Variants in SLC38A9 observed in about 807,000 individuals in gnomAD.
SLC38A9 encodes solute carrier family 38 member 9.
SLC38A9 carries 48 observed loss-of-function variants against 62.3 expected under a neutral mutation model. The ratio of observed to expected loss-of-function variants is 0.77; its 90% confidence interval spans 0.61 to 0.98. The LOEUF (loss-of-function observed/expected upper bound fraction) is 0.98. Ranked by LOEUF, SLC38A9 falls within the 50% of genes least tolerant of loss-of-function variation. The pLI is 0.00. For missense variants in SLC38A9, 541 were observed against 679.8 expected, an observed-to-expected ratio of 0.80 and a Z score of 2.27; for synonymous variants, 204 against 227.7, an observed-to-expected ratio of 0.90 and a Z score of 0.94.
intron 3 of SLC38A9, chr5:55,693,066 A>G: frequency 1.1e-6 from 1 of 894,620 alleles, no homozygotes; most frequent in Non-Finnish European, 1.3e-6. Context: ...ATGAAGACCC[A>G]TTGTGACTCA....
intron 3 of SLC38A9, chr5:55,692,829 C>T (rs1048897713): frequency 6.1e-6 from 6 of 983,510 alleles, no homozygotes; most frequent in Non-Finnish European, 7.2e-6. Flanking sequence ...TTCAAGTCAG[C>T]ATTCATTAGT....
chr5:55,700,106 CG>C (rs35855817), intron 2 of SLC38A9, among the ~76,000 whole-genome samples: 90,923 of 151,606 alleles, frequency 0.6, 27,829 homozygotes, highest in South Asian at 0.7. Context: ...TTGCGGGGGT[CG>C]AGGTGGGCAG....
chr5:55,704,748 GATTTGGGCT>G (rs1040152040), intron 2 of SLC38A9, among the ~76,000 whole-genome samples: 1 of 152,206 alleles, frequency 6.6e-6, no homozygotes, highest in Non-Finnish European at 1.5e-5. Context: ...GGTAATTTGA[GATTTGGGCT>G]ATTCTGGTGC....
intron 3 of SLC38A9, chr5:55,675,234 G>C (rs986431324): frequency 5.2e-4 from 79 of 152,338 alleles, no homozygotes; most frequent in African/African-American, 1.9e-3. Flanking sequence ...TCTTACAGAA[G>C]TGTTAACTGT....
At chr5:55,657,486 CAA>C (rs1025874110) in intron 8 of SLC38A9, among the ~76,000 whole-genome samples, 1 of 114,128 alleles carries the variant, frequency 8.8e-6, no homozygotes, top group African/African-American at 3.0e-5. Flanking sequence ...CCTGGAAAAT[CAA>C]AGTTTTTTTT....
At chr5:55,661,012 T>C (rs753170795) in intron 8 of SLC38A9, among the ~76,000 whole-genome samples, 1 of 150,504 alleles carries the variant, frequency 6.6e-6, no homozygotes, top group Non-Finnish European at 1.5e-5. Context: ...GAACTACTGT[T>C]ACAGAAAAAA....
At chr5:55,649,178 A>G (rs376633522) in intron 11 of SLC38A9, 29 bp downstream of exon 11, 6 of 1,275,282 alleles carry the variant, frequency 4.7e-6, no homozygotes, top group Non-Finnish European at 6.6e-6. Context: ...TCACATTATT[A>G]TAATTTATTA....
At chr5:55,702,865 C>G (rs898834895) in intron 2 of SLC38A9, 1 of 152,008 alleles carries the variant, frequency 6.6e-6, no homozygotes, top group African/African-American at 2.4e-5. Context: ...AACGTTTAAG[C>G]AAGTCAAAGC....
chr5:55,666,998 G>A (rs1320867235), intron 7 of SLC38A9, among the ~76,000 whole-genome samples: 2 of 151,318 alleles, frequency 1.3e-5, no homozygotes, highest in Non-Finnish European at 2.9e-5. Flanking sequence ...CTGGGTGACA[G>A]AGTGAGACTC....
At chr5:55,662,456 C>T (rs533652796) in intron 8 of SLC38A9, among the ~76,000 whole-genome samples, 114 of 151,998 alleles carry the variant, frequency 7.5e-4, no homozygotes, top group African/African-American at 2.2e-3. Flanking sequence ...CGGATCACGA[C>T]GTCAGGAGAT....
chr5:55,692,885 C>T (rs907115288), intron 3 of SLC38A9: 25 of 978,706 alleles, frequency 2.6e-5, no homozygotes, highest in Non-Finnish European at 3.0e-5. Context: ...AATCAAAAGT[C>T]TTATTTCATT....
At chr5:55,664,572 TTA>T (rs1344502794) in intron 8 of SLC38A9, 119 bp downstream of exon 8, 9 of 527,948 alleles carry the variant, frequency 1.7e-5, no homozygotes, top group Non-Finnish European at 1.2e-5. Flanking sequence ...TTTTCCAAAA[TTA>T]TATATGTTAC....
chr5:55,672,433 T>C (rs1452212545), intron 4 of SLC38A9, 130 bp downstream of exon 4: 2 of 1,002,588 alleles, frequency 2.0e-6, no homozygotes, highest in African/African-American at 3.2e-5. Context: ...TTACTATCTT[T>C]GACTTTGCAT....
intron 2 of SLC38A9, among the ~76,000 whole-genome samples, chr5:55,711,030 C>T (rs1757964314): frequency 6.6e-6 from 1 of 152,008 alleles, no homozygotes; most frequent in Non-Finnish European, 1.5e-5. Context: ...CAGTGGCCCA[C>T]GCCTGTAATC....
At chr5:55,652,835 C>CT (rs1367457244) in intron 9 of SLC38A9, 112 bp from the exon 10 acceptor site, 3 of 789,246 alleles carry the variant, frequency 3.8e-6, no homozygotes, top group Non-Finnish European at 5.7e-6. Context: ...CCAACCTCAA[C>CT]TCTTCCTAGG....
At chr5:55,665,301 G>T (rs66776229) in intron 7 of SLC38A9, among the ~76,000 whole-genome samples, 90,926 of 151,886 alleles carry the variant, frequency 0.6, 27,808 homozygotes, top group South Asian at 0.7. Flanking sequence ...ATCCCAGCAC[G>T]TTGGGAGGCC....
At chr5:55,674,032 A>G (rs1040502471) in intron 3 of SLC38A9, among the ~76,000 whole-genome samples, 1 of 152,206 alleles carries the variant, frequency 6.6e-6, no homozygotes, top group African/African-American at 2.4e-5. Context: ...TCTTGTGGGA[A>G]GTACTTGAAA....
intron 14 of SLC38A9, among the ~76,000 whole-genome samples, chr5:55,631,001 T>C (rs957995750): frequency 6.6e-6 from 1 of 151,862 alleles, no homozygotes; most frequent in Non-Finnish European, 1.5e-5. Context: ...GACATGGTGG[T>C]GGGTGCCTGT....
intron 15 of SLC38A9, among the ~76,000 whole-genome samples, chr5:55,627,632 A>C (rs1434448256): frequency 6.6e-6 from 1 of 151,822 alleles, no homozygotes; most frequent in Non-Finnish European, 1.5e-5. Flanking sequence ...AAAGTGGAAG[A>C]TGATGAGAGA....
Sources: gnomAD v4.1 joint callset for allele counts (sites outside exome capture counted in the v4.1 genomes callset) on GRCh38, gnomAD v4.1.1 for gene constraint, MANE v1.5 for transcripts, NCBI Gene and HGNC (gene_info 2026-07-23, HGNC 2026-07-21) for gene names.